The following CDK19 variants were observed in gnomAD, a reference collection of about 807,000 sequenced individuals.
CDK19 encodes cyclin-dependent kinase 19.
A neutral mutation model predicts 68.3 loss-of-function variants in CDK19; 20 were observed. The observed-to-expected ratio is 0.29, with a 90% CI of 0.21 to 0.43. The LOEUF (loss-of-function observed/expected upper bound fraction) is 0.43, where lower values mean the gene tolerates loss of function less well. Ranked by LOEUF, CDK19 falls within the 20% of genes least tolerant of loss-of-function variation. CDK19 has a pLI of 1.00. For synonymous variants in CDK19, 221 were observed against 222.8 expected, an observed-to-expected ratio of 0.99 and a Z score of 0.07; for missense variants, 339 against 623.5, an observed-to-expected ratio of 0.54 and a Z score of 4.86.
intron 1 of CDK19, among the ~76,000 whole-genome samples, chr6:110,766,809 G>C (rs760848535): frequency 5.9e-5 from 9 of 152,090 alleles, no homozygotes; most frequent in Non-Finnish European, 1.3e-4. Flanking sequence ...AGACCAGCCT[G>C]GGCAATATAG....
At chr6:110,632,236 A>C in intron 5 of CDK19, 75 bp from the exon 6 acceptor site, 1 of 1,238,182 alleles carries the variant, frequency 8.1e-7, no homozygotes, top group Non-Finnish European at 1.1e-6. Flanking sequence ...TCAAGTGTAA[A>C]ATTCAGTTTG....
intron 4 of CDK19, among the ~76,000 whole-genome samples, chr6:110,640,368 A>G (rs1489762400): frequency 6.6e-6 from 1 of 151,646 alleles, no homozygotes; most frequent in African/African-American, 2.4e-5. Context: ...TTTACAGGAG[A>G]GGATGAGGGA....
chr6:110,627,940 T>C (rs1165922441), intron 6 of CDK19, among the ~76,000 whole-genome samples: 2 of 152,112 alleles, frequency 1.3e-5, no homozygotes, highest in African/African-American at 2.4e-5. Context: ...CTGGGTGCAG[T>C]GGTTCATGCC....
At chr6:110,739,283 C>T (rs1247708188) in intron 2 of CDK19, among the ~76,000 whole-genome samples, 1 of 152,066 alleles carries the variant, frequency 6.6e-6, no homozygotes, top group Admixed American at 6.6e-5. Flanking sequence ...GTAAGAGAGC[C>T]GAGAGAAATG....
intron 5 of CDK19, 71 bp from the exon 6 acceptor site, chr6:110,632,232 G>A: frequency 8.0e-7 from 1 of 1,244,214 alleles, no homozygotes; most frequent in Non-Finnish European, 1.1e-6. Context: ...AAGATCAAGT[G>A]TAAAATTCAG....
intron 2 of CDK19, among the ~76,000 whole-genome samples, chr6:110,703,780 C>A (rs1322291119): frequency 6.6e-6 from 1 of 152,130 alleles, no homozygotes; most frequent in Non-Finnish European, 1.5e-5. Context: ...TTCAAGGCTG[C>A]AGTGAGCTAT....
At chr6:110,650,899 G>C (rs1780919201) in intron 4 of CDK19, among the ~76,000 whole-genome samples, 1 of 152,180 alleles carries the variant, frequency 6.6e-6, no homozygotes, top group Non-Finnish European at 1.5e-5. Context: ...GCACCTTCTG[G>C]CCTGTGCTTT....
chr6:110,677,379 T>C (rs531910074), intron 2 of CDK19, among the ~76,000 whole-genome samples: 12 of 151,956 alleles, frequency 7.9e-5, no homozygotes, highest in Admixed American at 5.2e-4. Flanking sequence ...CTGGCTAACA[T>C]GGTGAAACCC....
At chr6:110,729,613 T>TTC (rs1221450469) in intron 2 of CDK19, among the ~76,000 whole-genome samples, 3 of 150,092 alleles carry the variant, frequency 2.0e-5, no homozygotes, top group Non-Finnish European at 4.5e-5. Context: ...ATTTTTTTTT[T>TTC]TTTTTTTTTA....
intron 2 of CDK19, among the ~76,000 whole-genome samples, chr6:110,715,090 A>C (rs1025485485): frequency 7.2e-5 from 11 of 151,920 alleles, no homozygotes; most frequent in African/African-American, 1.7e-4. Flanking sequence ...TTTTTTGTGA[A>C]TATTCATTTT....
At chr6:110,811,829 AAG>A (rs1439788010) in intron 1 of CDK19, among the ~76,000 whole-genome samples, 4 of 152,080 alleles carry the variant, frequency 2.6e-5, no homozygotes, top group Admixed American at 2.0e-4. Flanking sequence ...ACAACACAGC[AAG>A]ACCCTGTCTG....
intron 8 of CDK19, 39 bp from the exon 9 acceptor site, chr6:110,623,401 T>A (rs1362979431): frequency 6.3e-7 from 1 of 1,594,012 alleles, no homozygotes; most frequent in Non-Finnish European, 8.6e-7. Context: ...CTGGGAACAC[T>A]CATCCAATTG....
intron 2 of CDK19, among the ~76,000 whole-genome samples, chr6:110,711,447 T>C (rs917958273): frequency 3.6e-4 from 55 of 152,314 alleles, no homozygotes; most frequent in African/African-American, 1.3e-3. Flanking sequence ...TCAACAAATG[T>C]ACTCTTACAT....
chr6:110,703,009 G>A (rs115738917), intron 2 of CDK19, among the ~76,000 whole-genome samples: 2 of 152,130 alleles, frequency 1.3e-5, no homozygotes, highest in African/African-American at 4.8e-5. Context: ...AATCAAATTT[G>A]GTTTGCTACT....
intron 12 of CDK19, among the ~76,000 whole-genome samples, chr6:110,617,461 T>G (rs1328770293): frequency 6.6e-6 from 1 of 151,858 alleles, no homozygotes; most frequent in African/African-American, 2.4e-5. Context: ...CATGGCTGTC[T>G]ACACTTTGTT....
intron 1 of CDK19, among the ~76,000 whole-genome samples, chr6:110,776,547 ATAGT>A (rs1370339796): frequency 3.3e-4 from 51 of 152,354 alleles, no homozygotes; most frequent in African/African-American, 1.1e-3. Flanking sequence ...AGAGCCTAGA[ATAGT>A]TAGTTGTGAA....
chr6:110,700,166 G>T (rs1050870936), intron 2 of CDK19, among the ~76,000 whole-genome samples: 1 of 152,178 alleles, frequency 6.6e-6, no homozygotes, highest in Non-Finnish European at 1.5e-5. Flanking sequence ...ATCTGTCACT[G>T]TCTCCCAGTA....
intron 1 of CDK19, among the ~76,000 whole-genome samples, chr6:110,778,298 A>G (rs531913222): frequency 1.3e-5 from 2 of 152,352 alleles, no homozygotes; most frequent in African/African-American, 2.4e-5. Flanking sequence ...AAATCATACT[A>G]CACACTTTTT....
intron 4 of CDK19, among the ~76,000 whole-genome samples, chr6:110,664,388 CA>C (rs1385390737): frequency 2.0e-5 from 3 of 152,142 alleles, no homozygotes; most frequent in South Asian, 4.1e-4. Context: ...CATGTAGCTA[CA>C]ATCACATTCT....
Sources: allele counts gnomAD v4.1 joint callset (sites outside exome capture counted in the v4.1 genomes callset), GRCh38; gene constraint gnomAD v4.1.1; transcripts MANE v1.5; gene names NCBI Gene and HGNC (gene_info 2026-07-23, HGNC 2026-07-21).